Variants in QTMAN observed in about 807,000 individuals in gnomAD.
The protein encoded by QTMAN is tRNA-queuosine alpha-mannosyltransferase.
the QTMAN span, among the ~76,000 whole-genome samples, chr2:144,047,351 TAG>T: frequency 6.6e-6 from 1 of 152,152 alleles, no homozygotes; most frequent in East Asian, 1.9e-4. Context: ...ACTTTCTTGG[TAG>T]AGACACGGTA....
chr2:144,196,148 T>A, the QTMAN span, among the ~76,000 whole-genome samples: 6 of 151,776 alleles, frequency 4.0e-5, no homozygotes, highest in South Asian at 1.2e-3. Flanking sequence ...AAGCTAAGAA[T>A]CATTACATTT....
chr2:144,070,235 C>T, the QTMAN span, among the ~76,000 whole-genome samples: 27 of 152,200 alleles, frequency 1.8e-4, no homozygotes, highest in African/African-American at 6.0e-4. Flanking sequence ...CATTACTTTG[C>T]ACTCTACATA....
the QTMAN span, among the ~76,000 whole-genome samples, chr2:143,971,771 A>C: frequency 6.6e-6 from 1 of 152,118 alleles, no homozygotes; most frequent in Non-Finnish European, 1.5e-5. Context: ...TGAATTTCTC[A>C]TTTACTAATT....
At chr2:144,118,324 A>G in the QTMAN span, among the ~76,000 whole-genome samples, 1 of 152,204 alleles carries the variant, frequency 6.6e-6, no homozygotes, top group African/African-American at 2.4e-5. Flanking sequence ...TACAGTAAGC[A>G]ACTACTACAT....
chr2:143,991,813 C>T, the QTMAN span, among the ~76,000 whole-genome samples: 14 of 150,010 alleles, frequency 9.3e-5, no homozygotes, highest in East Asian at 2.2e-3. Flanking sequence ...CGGCCAGCCG[C>T]CTCGTCCGGG....
chr2:144,083,777 C>A, the QTMAN span, among the ~76,000 whole-genome samples: 1 of 148,918 alleles, frequency 6.7e-6, no homozygotes, highest in African/African-American at 2.6e-5. Context: ...CTGGATACAT[C>A]AAGGAACCTC....
the QTMAN span, among the ~76,000 whole-genome samples, chr2:144,175,519 C>T: frequency 6.6e-6 from 1 of 152,150 alleles, no homozygotes; most frequent in Non-Finnish European, 1.5e-5. Flanking sequence ...TCCCTACCCT[C>T]CAAATAAGGC....
chr2:144,087,413 C>T, the QTMAN span, among the ~76,000 whole-genome samples: 3 of 151,996 alleles, frequency 2.0e-5, no homozygotes, highest in Non-Finnish European at 4.4e-5. Flanking sequence ...TATACAAACT[C>T]TTCCACAAAA....
At chr2:144,100,627 G>T in the QTMAN span, among the ~76,000 whole-genome samples, 3 of 151,956 alleles carry the variant, frequency 2.0e-5, no homozygotes, top group Non-Finnish European at 4.4e-5. Flanking sequence ...AATATCCAAT[G>T]TTATCAATAT....
At chr2:144,136,903 T>C in the QTMAN span, among the ~76,000 whole-genome samples, 1 of 152,154 alleles carries the variant, frequency 6.6e-6, no homozygotes, top group Admixed American at 6.6e-5. Flanking sequence ...ATCTGTTTTG[T>C]TGACCACCAA....
the QTMAN span, among the ~76,000 whole-genome samples, chr2:144,273,909 G>A: frequency 1.7e-3 from 263 of 152,270 alleles, 4 homozygotes; most frequent in African/African-American, 6.0e-3. Flanking sequence ...GCCAAGGTGG[G>A]CGGATCACAA....
the QTMAN span, among the ~76,000 whole-genome samples, chr2:144,060,896 A>G: frequency 1.3e-5 from 2 of 152,194 alleles, no homozygotes; most frequent in Non-Finnish European, 2.9e-5. Context: ...TAAAAGTATG[A>G]ATATCGAGTT....
chr2:144,164,590 A>G, the QTMAN span, among the ~76,000 whole-genome samples: 25 of 152,260 alleles, frequency 1.6e-4, no homozygotes, highest in Admixed American at 1.4e-3. Flanking sequence ...ACAGTATGTG[A>G]CTTAATTACT....
At chr2:144,168,901 A>G in the QTMAN span, among the ~76,000 whole-genome samples, 1 of 152,094 alleles carries the variant, frequency 6.6e-6, no homozygotes, top group Non-Finnish European at 1.5e-5. Flanking sequence ...AAGTAAAAAA[A>G]CCATTAAGCT....
chr2:144,035,031 A>G, the QTMAN span, among the ~76,000 whole-genome samples: 2 of 152,188 alleles, frequency 1.3e-5, no homozygotes, highest in Non-Finnish European at 2.9e-5. Flanking sequence ...CCCAAATCTC[A>G]TGTTGAATTG....
chr2:144,299,747 A>G, the QTMAN span, among the ~76,000 whole-genome samples: 2 of 152,240 alleles, frequency 1.3e-5, no homozygotes, highest in African/African-American at 4.8e-5. Flanking sequence ...TAAAACTATG[A>G]TCCAGCAATT....
At chr2:144,234,205 G>A in the QTMAN span, among the ~76,000 whole-genome samples, 1 of 151,990 alleles carries the variant, frequency 6.6e-6, no homozygotes, top group Non-Finnish European at 1.5e-5. Context: ...ACAAATCATC[G>A]AAAAAGTTGC....
the QTMAN span, among the ~76,000 whole-genome samples, chr2:144,222,760 A>T: frequency 6.6e-6 from 1 of 152,148 alleles, no homozygotes; most frequent in Admixed American, 6.5e-5. Context: ...GTGAGCTGAG[A>T]TGGCGCCACT....
chr2:143,996,442 C>G, the QTMAN span, among the ~76,000 whole-genome samples: 26 of 152,188 alleles, frequency 1.7e-4, no homozygotes, highest in Middle Eastern at 3.4e-3. Flanking sequence ...GGGGGGATAG[C>G]TAACAGTTTC....
Sources: allele counts gnomAD v4.1 joint callset (sites outside exome capture counted in the v4.1 genomes callset), GRCh38; gene constraint gnomAD v4.1.1; transcripts MANE v1.5; gene names NCBI Gene and HGNC (gene_info 2026-07-23, HGNC 2026-07-21).